The following HTR3A variants were observed in gnomAD, a reference collection of about 807,000 sequenced individuals.
HTR3A encodes the protein 5-hydroxytryptamine receptor 3A.
HTR3A carries 45 observed loss-of-function variants against 54.8 expected under a neutral mutation model. The observed-to-expected ratio is 0.82, with a 90% CI of 0.65 to 1.05. The LOEUF (loss-of-function observed/expected upper bound fraction) is 1.05. HTR3A is among the 50% of genes least tolerant of loss of function. The probability of loss-of-function intolerance (pLI) is 0.00; values close to 1 mark genes in which losing one functional copy is unlikely to be tolerated. For synonymous variants in HTR3A, 297 were observed against 256.0 expected (o/e 1.16, Z -1.53); for missense variants, 657 against 614.0 (o/e 1.07, Z -0.74).
intron 6 of HTR3A, 140 bp downstream of exon 6, chr11:113,986,315 G>A: frequency 8.4e-7 from 1 of 1,192,850 alleles, no homozygotes. Context: ...GAAGTAGATG[G>A]AGAAACTCCA....
intron 5 of HTR3A, among the ~76,000 whole-genome samples, chr11:113,983,792 G>T (rs1950454018): frequency 6.6e-6 from 1 of 152,050 alleles, no homozygotes; most frequent in Non-Finnish European, 1.5e-5. Flanking sequence ...CTAGGTTTCT[G>T]CTTTAGCCTC....
At chr11:113,988,657 A>G (rs1164391788) in intron 8 of HTR3A, among the ~76,000 whole-genome samples, 1 of 152,076 alleles carries the variant, frequency 6.6e-6, no homozygotes, top group Non-Finnish European at 1.5e-5. Flanking sequence ...CCAGCTACTC[A>G]GGAGGCTGAG....
Position 113,977,883 on chromosome 11 carries a change from C to G in HTR3A, c.180C>G (p.Thr60=), listed in dbSNP as rs369239075. Residue 60 remains threonine, a synonymous_variant, in exon 2 of 9, where the codon ACC becomes ACG. Transcript: ENST00000504030. The part of the protein sequence containing the change: ...RPVRDWRKPT[T]VSIDVIVYAI... ...TGAGGGACTGGAGGAAGCCAACCAC[C>G]GTATCCATTGACGTCATTGTCTATG... is the stretch of plus-strand genomic sequence containing the variant. 1 of 1,614,188 alleles carries G rather than the reference C, an allele frequency of 6.2e-7. No homozygotes were observed. Among genetic ancestry groups the G allele is most frequent in the Non-Finnish European group, 8.5e-7 (1 of 1,180,038 alleles).
chr11:113,987,175 C>G (rs1950504177), intron 8 of HTR3A, 129 bp downstream of exon 8: 5 of 987,348 alleles, frequency 5.1e-6, no homozygotes, highest in African/African-American at 1.6e-5. Context: ...CCCTGCCTTA[C>G]TTGGGGTGGG....
At chr11:113,983,314 C>T in intron 5 of HTR3A, 25 bp downstream of exon 5, 1 of 1,612,874 alleles carries the variant, frequency 6.2e-7, no homozygotes, top group Non-Finnish European at 8.5e-7. Context: ...TTCGCCGGGA[C>T]AGGGGTGGAG....
intron 5 of HTR3A, among the ~76,000 whole-genome samples, chr11:113,984,542 C>A (rs1950465552): frequency 6.6e-6 from 1 of 152,250 alleles, no homozygotes; most frequent in South Asian, 2.1e-4. Flanking sequence ...GAGGAAGGGT[C>A]TCAGCAAATG....
Position 113,987,007 on chromosome 11 carries a change from C to G in HTR3A, c.1099C>G (p.Pro367Ala), listed in dbSNP as rs199630668. Residue 367 changes from proline (P) to alanine (A), a missense_variant, in exon 8 of 9, where the codon CCA (proline) becomes GCA (alanine). Physicochemically the swap from Pro to Ala is conservative, Grantham distance 27. Coordinates refer to ENST00000504030, the MANE Select transcript of HTR3A (RefSeq NM_000869.6). ...GGAGCAGTCAACTTCCCAGAGGCCC[C>G]CAGCCACCTCCCAAGCCACCAAGAC... ...LREQSTSQRP[P>A]ATSQATKTDD... 6.2e-7 allele frequency: 1 copy of G among 1,613,932 alleles called. No individual in the cohort carries two copies. Among genetic ancestry groups the G allele is most frequent in the Non-Finnish European group, 8.5e-7 (1 of 1,180,010 alleles).
rs1291607137 is a variant in HTR3A, at chr11:113,986,922, C to T, written c.1014C>T (p.Pro338=). Residue 338 remains proline (P), a synonymous_variant, in exon 8 of 9, where the codon CCC becomes CCT. Coordinates refer to ENST00000504030, the MANE Select transcript of HTR3A (RefSeq NM_000869.6). ...RLVHKQDLQQ[P]VPAWLRHLVL... is the part of the protein sequence containing the mutation. Reference sequence around the variant, plus strand: ...TGCACAAGCAAGACCTGCAGCAGCCCGTGCCTGCTTGGCTGCGTCACCTGG... The same window carrying T: ...TGCACAAGCAAGACCTGCAGCAGCCTGTGCCTGCTTGGCTGCGTCACCTGG... The T allele has an allele frequency of 2.0e-5, 32 of 1,614,028 alleles. No individual in the cohort carries two copies. The Admixed American group carries it at 2.5e-4, about 13-fold the overall frequency.
Position 113,986,154 on chromosome 11 carries a change from C to G in HTR3A, c.684C>G (p.Tyr228Ter). 1 of 1,614,124 alleles carries G rather than the reference C, an allele frequency of 6.2e-7. No individual in the cohort carries two copies. Among genetic ancestry groups the G allele is most frequent in the African/African-American group, 1.3e-5 (1 of 75,016 alleles). Residue 228 changes from tyrosine to a stop codon, truncating the protein, a stop_gained, in exon 6 of 9, where the codon TAC becomes TAG. Coordinates refer to ENST00000504030, the MANE Select transcript of HTR3A (RefSeq NM_000869.6). LOFTEE classifies it high-confidence loss of function. ...FREFSMESSN[Y>*]YAEMKFYVVI... is the part of the protein sequence containing the mutation. Reference sequence around the variant, plus strand: ...AGTTCAGCATGGAAAGCAGTAACTACTATGCAGAAATGAAGTTCTATGTGA... The same window carrying G: ...AGTTCAGCATGGAAAGCAGTAACTAGTATGCAGAAATGAAGTTCTATGTGA...
In HTR3A at chr11:113,989,986, AC is replaced by A. The variant is rs1469139021; in HGVS notation, c.*228del. The A allele has an allele frequency of 7.3e-6, 5 of 687,210 alleles. No individual in the cohort carries two copies. The Admixed American group carries it at 1.0e-4, about 14-fold the overall frequency. 42.6% of individuals were successfully genotyped at this position (687,210 alleles called of 1,614,324 possible). On this transcript the variant is annotated 3_prime_UTR_variant, in exon 9 of 9. Coordinates refer to ENST00000504030, the MANE Select transcript of HTR3A (RefSeq NM_000869.6). This position sits in a 1 kb window ranked among gnomAD's most constrained non-coding sequence, Gnocchi z 4.4. The stretch of plus-strand genomic sequence containing the variant: ...TTCAAGGCCCTTACACCCTTGTCCC[AC>A]CCCCAGCAGCTCACCATGGCTTTAA...
At chr11:113,978,053 G>T (rs1232516360) in intron 2 of HTR3A, 131 bp downstream of exon 2, 8 of 1,061,840 alleles carry the variant, frequency 7.5e-6, no homozygotes, top group South Asian at 3.9e-5. Context: ...TGGCACCACA[G>T]CTCAGGATGG....
In HTR3A at chr11:113,989,399, A is replaced by C. The variant is rs1275368767; in HGVS notation, c.1139-66A>C. On this transcript the variant is annotated intron_variant, in intron 8 of 8. Coordinates refer to ENST00000504030, the MANE Select transcript of HTR3A (RefSeq NM_000869.6). The surrounding 1 kb of genome is among the most constrained non-coding windows in gnomAD (Gnocchi z 4.4). ...AAAAATTTACAGGCTATAGAAGCAT[A>C]AGGAACCATGTTCAGGTCACCACCC... 4 of 1,570,168 alleles carry C rather than the reference A, an allele frequency of 2.5e-6. No individual in the cohort carries two copies. The highest frequency in any genetic ancestry group is 1.4e-5 in the African/African-American group (1 of 73,998).
At chr11:113,979,392 C>T in intron 3 of HTR3A, 115 bp downstream of exon 3, 1 of 788,286 alleles carries the variant, frequency 1.3e-6, no homozygotes, top group Non-Finnish European at 2.2e-6. Context: ...CTGAGGGGCA[C>T]CCTCAGCCTG....
chr11:113,978,218 G>T (rs974347497), intron 2 of HTR3A, among the ~76,000 whole-genome samples: 2 of 152,200 alleles, frequency 1.3e-5, no homozygotes, highest in Non-Finnish European at 2.9e-5. Flanking sequence ...GCTGTATGAG[G>T]ATTAAGACGG....
intron 8 of HTR3A, among the ~76,000 whole-genome samples, chr11:113,988,763 CCAAACAAACAAACAA>C (rs1950520086): frequency 1.3e-5 from 2 of 151,436 alleles, no homozygotes; most frequent in African/African-American, 2.4e-5. Flanking sequence ...GACTTGGTCT[CCAAACAAACAAACAA>C]CAAACAAACA....
chr11:113,975,203 G>A lies in HTR3A; in HGVS notation c.-123G>A, dbSNP rs1404663816. On this transcript the variant is annotated 5_prime_UTR_variant, in exon 1 of 9. In the 5' UTR this introduces an upstream ATG that the reference lacks. Transcript: ENST00000504030. Reference sequence around the variant, plus strand: ...GTGTGAGGCTGCAGCCTCAGAAGGTGTGAGCAGTGGCCACGAGAGGCAGGC... The same window carrying A: ...GTGTGAGGCTGCAGCCTCAGAAGGTATGAGCAGTGGCCACGAGAGGCAGGC... 5 of 887,526 alleles carry A rather than the reference G, an allele frequency of 5.6e-6. No homozygotes were observed. Among genetic ancestry groups the A allele is most frequent in the Non-Finnish European group, 9.1e-6 (5 of 548,686 alleles). The allele number at this position is 887,526 out of a possible 1,614,324, so 55.0% of individuals were successfully genotyped here.
At chr11:113,979,868 G>A (rs1262670233) in intron 3 of HTR3A, among the ~76,000 whole-genome samples, 1 of 152,172 alleles carries the variant, frequency 6.6e-6, no homozygotes, top group East Asian at 1.9e-4. Flanking sequence ...GGAAGTCAGA[G>A]CAGAGGAGAA....
intron 8 of HTR3A, among the ~76,000 whole-genome samples, chr11:113,987,513 A>G (rs1182838924): frequency 1.3e-5 from 2 of 152,076 alleles, no homozygotes; most frequent in Non-Finnish European, 2.9e-5. Flanking sequence ...TGGGAGGATC[A>G]CTTGAGCCCA....
chr11:113,988,829 TTTGTGAGGCTA>T, intron 8 of HTR3A, among the ~76,000 whole-genome samples: 1 of 152,274 alleles, frequency 6.6e-6, no homozygotes, highest in South Asian at 2.1e-4. Flanking sequence ...CTCTGCCTCT[TTTGTGAGGCTA>T]TTGTGAGGCT....
Sources: allele counts gnomAD v4.1 joint callset (sites outside exome capture counted in the v4.1 genomes callset), GRCh38; gene constraint gnomAD v4.1.1; non-coding constraint Gnocchi (gnomAD v3.1); transcripts MANE v1.5; gene names NCBI Gene and HGNC (gene_info 2026-07-23, HGNC 2026-07-21).